ADAMTS12: variants seen among roughly 807,000 people sequenced by gnomAD.
ADAMTS12 encodes ADAM metallopeptidase with thrombospondin type 1 motif 12.
Under a neutral mutation model 167.8 loss-of-function variants are expected in ADAMTS12, and 118 were observed. That is an observed-to-expected ratio of 0.70 (90% CI 0.61 to 0.82). The LOEUF (loss-of-function observed/expected upper bound fraction) is 0.82. Ranked by LOEUF, ADAMTS12 falls within the 40% of genes least tolerant of loss-of-function variation. The pLI is 0.00. For missense variants in ADAMTS12, 1,916 were observed against 1,998.8 expected (o/e 0.96, Z 0.79); for synonymous variants, 704 against 716.9 (o/e 0.98, Z 0.29).
intron 2 of ADAMTS12, among the ~76,000 whole-genome samples, chr5:33,772,203 ACT>A (rs1343810590): frequency 1.3e-5 from 2 of 151,650 alleles, no homozygotes; most frequent in African/African-American, 4.9e-5. Context: ...TTCATTCTAG[ACT>A]CTCAACAGCA....
At chr5:33,796,162 C>T (rs1280406380) in intron 2 of ADAMTS12, among the ~76,000 whole-genome samples, 2 of 152,192 alleles carry the variant, frequency 1.3e-5, no homozygotes, top group Non-Finnish European at 2.9e-5. Context: ...CCATGCAGGA[C>T]TGCCACTGCC....
intron 14 of ADAMTS12, 59 bp downstream of exon 14, chr5:33,624,172 A>G: frequency 1.1e-5 from 18 of 1,606,540 alleles, no homozygotes; most frequent in Non-Finnish European, 1.5e-5. Context: ...CCAATCAACC[A>G]TTTATCTTGC....
At chr5:33,621,956 A>G (rs138263548) in intron 14 of ADAMTS12, among the ~76,000 whole-genome samples, 401 of 152,344 alleles carry the variant, frequency 2.6e-3, no homozygotes, top group Non-Finnish European at 5.2e-3. Flanking sequence ...GGGTTGTGAG[A>G]TAATTGGAAT....
intron 5 of ADAMTS12, among the ~76,000 whole-genome samples, chr5:33,679,749 C>A (rs1257092436): frequency 6.6e-6 from 1 of 152,164 alleles, no homozygotes; most frequent in East Asian, 1.9e-4. Context: ...GGAAAAGGGA[C>A]TTGTGTTCAC....
At chr5:33,877,573 TAAAAC>T (rs1004240258) in intron 2 of ADAMTS12, among the ~76,000 whole-genome samples, 1 of 152,034 alleles carries the variant, frequency 6.6e-6, no homozygotes, top group East Asian at 1.9e-4. Context: ...ACTAAACTGT[TAAAAC>T]AAACAAATTC....
intron 2 of ADAMTS12, among the ~76,000 whole-genome samples, chr5:33,752,033 A>G (rs1745009823): frequency 6.6e-6 from 1 of 152,206 alleles, no homozygotes; most frequent in Admixed American, 6.5e-5. Context: ...GGCACTCTTC[A>G]CTCAAGAAAA....
chr5:33,858,945 G>A (rs1271384096), intron 2 of ADAMTS12, among the ~76,000 whole-genome samples: 5 of 152,254 alleles, frequency 3.3e-5, no homozygotes, highest in Non-Finnish European at 7.4e-5. Flanking sequence ...GAAGCCGTGA[G>A]GGTCTGTGCC....
intron 12 of ADAMTS12, 122 bp from the exon 13 acceptor site, chr5:33,631,035 C>T (rs1230606092): frequency 9.0e-7 from 1 of 1,114,098 alleles, no homozygotes; most frequent in Non-Finnish European, 1.3e-6. Flanking sequence ...ACCTTTTCAC[C>T]TCCTTGAGAC....
intron 13 of ADAMTS12, among the ~76,000 whole-genome samples, chr5:33,628,876 T>C (rs931699955): frequency 2.0e-5 from 3 of 152,214 alleles, no homozygotes; most frequent in African/African-American, 7.2e-5. Context: ...TAAAAGGTCT[T>C]AACTGGCTCC....
chr5:33,720,560 T>C (rs995517531), intron 3 of ADAMTS12, among the ~76,000 whole-genome samples: 8 of 152,152 alleles, frequency 5.3e-5, no homozygotes, highest in African/African-American at 1.9e-4. Flanking sequence ...TCTTGCCAGA[T>C]GGAGAGAAGC....
At chr5:33,846,125 C>G (rs1401466239) in intron 2 of ADAMTS12, among the ~76,000 whole-genome samples, 1 of 152,200 alleles carries the variant, frequency 6.6e-6, no homozygotes, top group Non-Finnish European at 1.5e-5. Context: ...AAGCCAACGT[C>G]AGACAAACCC....
chr5:33,685,548 G>GT (rs2038477709), intron 3 of ADAMTS12, among the ~76,000 whole-genome samples: 1 of 152,196 alleles, frequency 6.6e-6, no homozygotes, highest in Non-Finnish European at 1.5e-5. Flanking sequence ...ATTTAGACAT[G>GT]TTTGGCGATA....
At chr5:33,668,054 T>C (rs1313373860) in intron 5 of ADAMTS12, among the ~76,000 whole-genome samples, 1 of 152,204 alleles carries the variant, frequency 6.6e-6, no homozygotes, top group Non-Finnish European at 1.5e-5. Context: ...GTGACACAGA[T>C]ACTCCTTGAG....
chr5:33,567,374 T>G (rs1272347620), intron 19 of ADAMTS12, among the ~76,000 whole-genome samples: 1 of 152,210 alleles, frequency 6.6e-6, no homozygotes, highest in Non-Finnish European at 1.5e-5. Flanking sequence ...CCACTTGTTT[T>G]CTTTGTTTTC....
intron 2 of ADAMTS12, among the ~76,000 whole-genome samples, chr5:33,863,623 T>C (rs1031794779): frequency 2.0e-5 from 3 of 152,156 alleles, no homozygotes; most frequent in African/African-American, 7.2e-5. Context: ...AAAATGGCCA[T>C]ACTGACCAAA....
intron 12 of ADAMTS12, among the ~76,000 whole-genome samples, chr5:33,633,718 A>C (rs947819545): frequency 6.6e-6 from 1 of 152,154 alleles, no homozygotes; most frequent in Middle Eastern, 3.4e-3. Context: ...AGGAGGAGGC[A>C]AGGGTGGTAA....
chr5:33,793,049 C>T (rs1172150997), intron 2 of ADAMTS12, among the ~76,000 whole-genome samples: 3 of 152,242 alleles, frequency 2.0e-5, no homozygotes, highest in Admixed American at 1.3e-4. Flanking sequence ...TGCCTTCATT[C>T]GGGATGTGTG....
At chr5:33,547,577 C>T (rs964146650) in intron 21 of ADAMTS12, among the ~76,000 whole-genome samples, 43 of 152,046 alleles carry the variant, frequency 2.8e-4, no homozygotes, top group African/African-American at 9.2e-4. Flanking sequence ...AGAGCAGCTC[C>T]GGGTACTCAA....
chr5:33,757,313 T>C (rs1458232393), intron 2 of ADAMTS12, among the ~76,000 whole-genome samples: 1 of 152,170 alleles, frequency 6.6e-6, no homozygotes, highest in East Asian at 1.9e-4. Flanking sequence ...AAATGCAACA[T>C]TCACCAAAAT....
Sources: allele counts gnomAD v4.1 joint callset (sites outside exome capture counted in the v4.1 genomes callset), GRCh38; gene constraint gnomAD v4.1.1; transcripts MANE v1.5; gene names NCBI Gene and HGNC (gene_info 2026-07-23, HGNC 2026-07-21).